The following LYZL1 variants were observed in gnomAD, a reference collection of about 807,000 sequenced individuals.
LYZL1 encodes the protein lysozyme-like protein 1.
In LYZL1, 16 loss-of-function variants were observed where a neutral mutation model predicts 17.9. The ratio of observed to expected loss-of-function variants is 0.90; its 90% CI spans 0.61 to 1.36. LYZL1 has a LOEUF of 1.36. Among genes scored for constraint, LYZL1 ranks in the 40% most tolerant of loss-of-function variants. The pLI is 0.00. For missense variants in LYZL1, 149 were observed against 188.4 expected, an observed-to-expected ratio of 0.79 and a Z score of 1.22; for synonymous variants, 58 against 71.8, an observed-to-expected ratio of 0.81 and a Z score of 0.97.
downstream of LYZL1, among the ~76,000 whole-genome samples, chr10:29,315,307 C>T (rs141367099): frequency 0.023 from 3,558 of 152,054 alleles, 124 homozygotes; most frequent in African/African-American, 0.079. Flanking sequence ...GTCAGGAGTT[C>T]GAGACCATCC....
intron 4 of LYZL1, 143 bp from the exon 5 acceptor site, chr10:29,310,847 C>T (rs1835661556): frequency 7.4e-6 from 9 of 1,218,080 alleles, no homozygotes; most frequent in Non-Finnish European, 9.4e-6. Flanking sequence ...GGCAAAAGGA[C>T]AGCATCCTTG....
At chr10:29,291,577 G>A (rs1835365692) in intron 1 of LYZL1, among the ~76,000 whole-genome samples, 1 of 151,994 alleles carries the variant, frequency 6.6e-6, no homozygotes, top group Non-Finnish European at 1.5e-5. Context: ...TCACCTGGAT[G>A]TGTATTAAGG....
At chr10:29,300,977 A>G (rs753599827) in intron 3 of LYZL1, among the ~76,000 whole-genome samples, 28 of 151,990 alleles carry the variant, frequency 1.8e-4, no homozygotes, top group Admixed American at 3.9e-4. Flanking sequence ...ACATGCCACA[A>G]TGCCTGGCTG....
intron 3 of LYZL1, among the ~76,000 whole-genome samples, chr10:29,300,424 C>T (rs1835501557): frequency 6.6e-6 from 1 of 152,080 alleles, no homozygotes; most frequent in Non-Finnish European, 1.5e-5. Context: ...TTTAATTTCT[C>T]CCATTTCATC....
At chr10:29,308,313 G>T (rs1835624053) in intron 3 of LYZL1, among the ~76,000 whole-genome samples, 1 of 152,180 alleles carries the variant, frequency 6.6e-6, no homozygotes, top group African/African-American at 2.4e-5. Flanking sequence ...GGCCCGACTT[G>T]GGCCACTCTG....
intron 3 of LYZL1, among the ~76,000 whole-genome samples, chr10:29,308,133 C>T (rs942282996): frequency 2.0e-5 from 3 of 152,302 alleles, no homozygotes; most frequent in Non-Finnish European, 4.4e-5. Context: ...TGGAGATGGG[C>T]CTCCCAGATC....
At chr10:29,290,631 G>C (rs1835349595) in intron 1 of LYZL1, among the ~76,000 whole-genome samples, 1 of 152,174 alleles carries the variant, frequency 6.6e-6, no homozygotes, top group African/African-American at 2.4e-5. Context: ...ACAAGGTCAG[G>C]AGTTTGAAAT....
chr10:29,290,929 G>A (rs1209360643), intron 1 of LYZL1, among the ~76,000 whole-genome samples: 1 of 152,158 alleles, frequency 6.6e-6, no homozygotes, highest in African/African-American at 2.4e-5. Context: ...TGAAAGAGTA[G>A]GTGCTTAATC....
chr10:29,302,180 C>A (rs1835528257), intron 3 of LYZL1, among the ~76,000 whole-genome samples: 1 of 152,290 alleles, frequency 6.6e-6, no homozygotes, highest in South Asian at 2.1e-4. Flanking sequence ...CACAAGGAAT[C>A]ATTTTTTATT....
In LYZL1 at chr10:29,289,262, C is replaced by A. The variant is rs763147671; in HGVS notation, c.-26+32C>A. 3.0e-4 allele frequency: 144 copies of A among 487,532 alleles called. 1 individual carries two copies. Among genetic ancestry groups the A allele is most frequent in the Middle Eastern group, 7.4e-4 (2 of 2,688 alleles). 30.2% of individuals were successfully genotyped at this position (487,532 alleles called of 1,614,324 possible). ...CCTAAATTACTCTTATGAGAACCAG[C>A]AATGGCAGGTTCTTGAAGGATGTAG... On this transcript the variant is annotated intron_variant, in intron 1 of 4. Coordinates refer to ENST00000649382, the MANE Select transcript of LYZL1 (RefSeq NM_032517.6).
chr10:29,312,328 T>C (rs7097371), downstream of LYZL1, among the ~76,000 whole-genome samples: 15,209 of 152,158 alleles, frequency 0.1, 998 homozygotes, highest in African/African-American at 0.19. Flanking sequence ...CAGGATGGCT[T>C]TGAATGTGGC....
downstream of LYZL1, among the ~76,000 whole-genome samples, chr10:29,313,092 G>A (rs1202230526): frequency 1.3e-5 from 2 of 152,020 alleles, no homozygotes; most frequent in East Asian, 1.9e-4. Flanking sequence ...CTTTAAGAAC[G>A]CCTAACCGCT....
Position 29,292,516 on chromosome 10 carries a change from C to G in LYZL1, c.140-3C>G, listed in dbSNP as rs1198283931. 1 of 1,612,868 alleles carries G rather than the reference C, an allele frequency of 6.2e-7. No homozygotes were observed. Among genetic ancestry groups the G allele is most frequent in the African/African-American group, 1.3e-5 (1 of 74,992 alleles). On this transcript the variant is annotated splice_region_variant and splice_polypyrimidine_tract_variant and intron_variant, in intron 2 of 4. Coordinates refer to ENST00000649382, the MANE Select transcript of LYZL1 (RefSeq NM_032517.6). ...CTGGCGTTTCTGGCTTTCCCCCCTC[C>G]AGGGATCTGCATGGCATATTATGAG... is the stretch of plus-strand genomic sequence containing the variant.
At chr10:29,299,626 C>T (rs931178834) in intron 3 of LYZL1, among the ~76,000 whole-genome samples, 1 of 152,136 alleles carries the variant, frequency 6.6e-6, no homozygotes, top group Non-Finnish European at 1.5e-5. Flanking sequence ...TCATCGAGGA[C>T]TGTTATGTCT....
exon 5 of LYZL1, chr10:29,318,154 CCTGCTG>C: frequency 1.0e-6 from 1 of 985,288 alleles, no homozygotes; most frequent in Non-Finnish European, 1.2e-6. Flanking sequence ...TTCACAGGTC[CCTGCTG>C]CTAAGAATTC....
chr10:29,300,958 A>T (rs186130098), intron 3 of LYZL1, among the ~76,000 whole-genome samples: 67 of 151,988 alleles, frequency 4.4e-4, no homozygotes, highest in African/African-American at 1.4e-3. Flanking sequence ...AGTAGCTGGG[A>T]CCACAGGCAC....
chr10:29,291,723 G>A, intron 1 of LYZL1, 120 bp from the exon 2 acceptor site: 1 of 1,176,424 alleles, frequency 8.5e-7, no homozygotes, highest in Non-Finnish European at 1.2e-6. Flanking sequence ...TTCCCTGATG[G>A]TGGCACTGAA....
chr10:29,303,575 A>G (rs993584563), intron 3 of LYZL1, among the ~76,000 whole-genome samples: 1 of 152,224 alleles, frequency 6.6e-6, no homozygotes, highest in Non-Finnish European at 1.5e-5. Flanking sequence ...GCAAAGGTCT[A>G]TCTGCAAGAC....
At chr10:29,289,864 G>A (rs2429504) in intron 1 of LYZL1, among the ~76,000 whole-genome samples, 11 of 152,104 alleles carry the variant, frequency 7.2e-5, no homozygotes, top group South Asian at 2.1e-4. Flanking sequence ...CACAATTACT[G>A]AACTCTGCCA....
Sources: gnomAD v4.1 joint callset for allele counts (sites outside exome capture counted in the v4.1 genomes callset) on GRCh38, gnomAD v4.1.1 for gene constraint, MANE v1.5 for transcripts, NCBI Gene and HGNC (gene_info 2026-07-23, HGNC 2026-07-21) for gene names.